The following WFDC1 variants were observed in gnomAD, a reference collection of about 807,000 sequenced individuals.
The protein encoded by WFDC1 is WAP four-disulfide core domain protein 1.
A neutral mutation model predicts 32.9 loss-of-function variants in WFDC1; 39 were observed. That is an observed-to-expected ratio of 1.19 (90% CI 0.92 to 1.55). The LOEUF (loss-of-function observed/expected upper bound fraction) is 1.55. Ranked by LOEUF, WFDC1 falls within the 40% of genes most tolerant of loss-of-function variation. WFDC1 has a pLI of 0.00. For synonymous variants in WFDC1, 184 were observed against 137.4 expected (o/e 1.34, Z -2.37); for missense variants, 386 against 309.5 (o/e 1.25, Z -1.85).
intron 1 of WFDC1, among the ~76,000 whole-genome samples, chr16:84,309,852 T>TG (rs1461409939): frequency 2.4e-5 from 2 of 82,474 alleles, no homozygotes; most frequent in South Asian, 4.5e-4. Flanking sequence ...TACATGTGTG[T>TG]GTGGGGGGGG....
intron 1 of WFDC1, among the ~76,000 whole-genome samples, chr16:84,301,262 G>A (rs571924925): frequency 1.2e-4 from 19 of 152,278 alleles, no homozygotes; most frequent in East Asian, 5.8e-4. Flanking sequence ...AGCCCCCAGC[G>A]TGTGGCATTT....
chr16:84,299,062 C>T (rs1272000951), intron 1 of WFDC1, among the ~76,000 whole-genome samples: 2 of 152,134 alleles, frequency 1.3e-5, no homozygotes, highest in African/African-American at 2.4e-5. Context: ...TTTAAAAACC[C>T]ATTCCAGGCC....
At chr16:84,295,239 T>A (rs1597654952) in intron 1 of WFDC1, 124 bp downstream of exon 1, 2 of 1,292,928 alleles carry the variant, frequency 1.5e-6, no homozygotes, top group African/African-American at 2.9e-5. Flanking sequence ...AAGGCAGGCG[T>A]CTTCCTATCC....
intron 2 of WFDC1, among the ~76,000 whole-genome samples, chr16:84,315,175 C>G (rs1358214365): frequency 6.6e-6 from 1 of 152,176 alleles, no homozygotes; most frequent in Non-Finnish European, 1.5e-5. Flanking sequence ...CCAGGAATAT[C>G]CTCCCCCAGA....
intron 1 of WFDC1, among the ~76,000 whole-genome samples, chr16:84,304,523 C>T (rs989070011): frequency 1.3e-5 from 2 of 151,984 alleles, no homozygotes; most frequent in African/African-American, 2.4e-5. Flanking sequence ...CCACCGCGCC[C>T]GGCCAGGAAT....
At chr16:84,308,427 G>A (rs558976137) in intron 1 of WFDC1, among the ~76,000 whole-genome samples, 1 of 152,230 alleles carries the variant, frequency 6.6e-6, no homozygotes, top group Non-Finnish European at 1.5e-5. Context: ...TCTGCTCTCA[G>A]TGTGGGGTGG....
chr16:84,301,743 G>A (rs979419511), intron 1 of WFDC1, among the ~76,000 whole-genome samples: 2 of 152,168 alleles, frequency 1.3e-5, no homozygotes, highest in African/African-American at 4.8e-5. Context: ...ATGGAGGGGG[G>A]ACTGGAAGGA....
intron 1 of WFDC1, among the ~76,000 whole-genome samples, chr16:84,311,432 G>A (rs1308769414): frequency 7.3e-6 from 1 of 136,412 alleles, no homozygotes; most frequent in East Asian, 2.3e-4. Flanking sequence ...GTTTCACCGT[G>A]TTAGCCAGGA....
In WFDC1 at chr16:84,313,167, C is replaced by G; in HGVS notation, c.337+14C>G. 1 of 1,409,072 alleles carries G rather than the reference C, an allele frequency of 7.1e-7. No individual in the cohort carries two copies. Among genetic ancestry groups the G allele is most frequent in the Non-Finnish European group, 9.2e-7 (1 of 1,089,324 alleles). 87.3% of individuals were successfully genotyped at this position (1,409,072 alleles called of 1,614,324 possible). A position where few individuals can be genotyped will look rare whatever the true frequency, so the allele number is the denominator to read the frequency against. ...CGCCCCCGCCAGGTAGGTCCTGGGC[C>G]CGAGGGAGGGGGCTGAGGGAGGAGG... On this transcript the variant is annotated intron_variant, in intron 2 of 6. Coordinates refer to ENST00000219454, the MANE Select transcript of WFDC1 (RefSeq NM_021197.4).
intron 1 of WFDC1, among the ~76,000 whole-genome samples, chr16:84,302,749 G>C (rs1169582081): frequency 1.3e-5 from 2 of 152,154 alleles, no homozygotes; most frequent in Non-Finnish European, 2.9e-5. Flanking sequence ...GTTGTGTGTG[G>C]TGTCTCTGAC....
chr16:84,305,017 C>T (rs1340590749), intron 1 of WFDC1, among the ~76,000 whole-genome samples: 2 of 152,190 alleles, frequency 1.3e-5, no homozygotes, highest in Non-Finnish European at 2.9e-5. Context: ...GACCCAGGTT[C>T]GAGTCCTGCC....
At chr16:84,321,616 A>C (rs1908308359) in intron 4 of WFDC1, among the ~76,000 whole-genome samples, 1 of 152,238 alleles carries the variant, frequency 6.6e-6, no homozygotes, top group South Asian at 2.1e-4. Flanking sequence ...TTAAGGGTTC[A>C]AACCAGTTAA....
intron 1 of WFDC1, among the ~76,000 whole-genome samples, chr16:84,298,694 C>G (rs1906755276): frequency 6.6e-6 from 1 of 152,198 alleles, no homozygotes; most frequent in Admixed American, 6.5e-5. Flanking sequence ...GCCTCGTCCC[C>G]CGGCAGAGTG....
intron 4 of WFDC1, among the ~76,000 whole-genome samples, chr16:84,322,657 C>T (rs1908376681): frequency 6.6e-6 from 1 of 152,184 alleles, no homozygotes; most frequent in South Asian, 2.1e-4. Context: ...AGAGAGGCTT[C>T]TAGCGGGTAC....
At chr16:84,307,403 C>T (rs1321977227) in intron 1 of WFDC1, among the ~76,000 whole-genome samples, 2 of 152,194 alleles carry the variant, frequency 1.3e-5, no homozygotes. Context: ...TGCTTTATCA[C>T]TCACGACCAT....
At chr16:84,307,881 G>A (rs1435914549) in intron 1 of WFDC1, among the ~76,000 whole-genome samples, 2 of 152,292 alleles carry the variant, frequency 1.3e-5, no homozygotes, top group East Asian at 3.9e-4. Context: ...CGGCTGGAAA[G>A]TTATTGGTGG....
intron 1 of WFDC1, among the ~76,000 whole-genome samples, chr16:84,303,372 G>A (rs1907062534): frequency 6.6e-6 from 1 of 152,048 alleles, no homozygotes; most frequent in Non-Finnish European, 1.5e-5. Flanking sequence ...ACTGAGGGAG[G>A]CATGTGGGTA....
At chr16:84,314,335 G>C (rs929288572) in intron 2 of WFDC1, among the ~76,000 whole-genome samples, 1 of 152,178 alleles carries the variant, frequency 6.6e-6, no homozygotes, top group East Asian at 1.9e-4. Flanking sequence ...ATGTGCCCTT[G>C]GGTGGGGAAA....
intron 1 of WFDC1, among the ~76,000 whole-genome samples, chr16:84,300,382 C>A (rs1435822500): frequency 6.6e-6 from 1 of 152,250 alleles, no homozygotes; most frequent in Admixed American, 6.5e-5. Flanking sequence ...CAGGCAGCCA[C>A]CTGCTCATTA....
Sources: allele counts gnomAD v4.1 joint callset (sites outside exome capture counted in the v4.1 genomes callset), GRCh38; gene constraint gnomAD v4.1.1; transcripts MANE v1.5; gene names NCBI Gene and HGNC (gene_info 2026-07-23, HGNC 2026-07-21).